The following MDGA2 variants were observed in gnomAD, a reference collection of about 807,000 sequenced individuals.
The protein encoded by MDGA2 is MAM domain containing glycosylphosphatidylinositol anchor 2, also known as MAM domain-containing glycosylphosphatidylinositol anchor protein 2.
In MDGA2, 40 loss-of-function variants were observed where a neutral mutation model predicts 117.8. That is an observed-to-expected ratio of 0.34 (90% CI 0.26 to 0.44). The LOEUF (loss-of-function observed/expected upper bound fraction) is 0.44. Among genes scored for constraint, MDGA2 ranks in the 20% least tolerant of loss-of-function variants. The probability of loss-of-function intolerance (pLI) is 1.00; values close to 1 mark genes in which losing one functional copy is unlikely to be tolerated. For synonymous variants in MDGA2, 452 were observed against 439.0 expected, an observed-to-expected ratio of 1.03 and a Z score of -0.37; for missense variants, 1,123 against 1,250.6, an observed-to-expected ratio of 0.90 and a Z score of 1.54.
At chr14:47,023,197 G>GCAAA (rs1435992503) in intron 8 of MDGA2, among the ~76,000 whole-genome samples, 114 of 69,584 alleles carry the variant, frequency 1.6e-3, no homozygotes, top group Middle Eastern at 0.01. Flanking sequence ...ATTCCCACTC[G>GCAAA]TAAAAAAAAA....
chr14:47,256,728 A>G (rs931249270), intron 2 of MDGA2, among the ~76,000 whole-genome samples: 2 of 152,132 alleles, frequency 1.3e-5, no homozygotes, highest in African/African-American at 4.8e-5. Context: ...AGGAAATCGA[A>G]TAACACTTTT....
intron 1 of MDGA2, among the ~76,000 whole-genome samples, chr14:47,560,460 G>C (rs1368143423): frequency 1.3e-5 from 2 of 152,102 alleles, no homozygotes; most frequent in Non-Finnish European, 2.9e-5. Flanking sequence ...TATAATTAGT[G>C]ATATTGAGCA....
At chr14:47,096,008 G>T (rs1337826973) in intron 6 of MDGA2, among the ~76,000 whole-genome samples, 1 of 151,882 alleles carries the variant, frequency 6.6e-6, no homozygotes, top group African/African-American at 2.4e-5. Context: ...AGAAGCATAT[G>T]GTCTCTTTGT....
chr14:46,949,302 G>C (rs1234628218), intron 9 of MDGA2, among the ~76,000 whole-genome samples: 2 of 151,990 alleles, frequency 1.3e-5, no homozygotes, highest in East Asian at 1.9e-4. Flanking sequence ...ATGTGGACTA[G>C]AGGAGTTCAC....
intron 9 of MDGA2, among the ~76,000 whole-genome samples, chr14:46,937,423 T>C (rs1293195270): frequency 6.6e-6 from 1 of 151,770 alleles, no homozygotes; most frequent in African/African-American, 2.4e-5. Flanking sequence ...CAATTACTAA[T>C]CAAAGTACCA....
intron 1 of MDGA2, among the ~76,000 whole-genome samples, chr14:47,537,077 G>C (rs780029093): frequency 6.6e-5 from 10 of 152,086 alleles, no homozygotes; most frequent in South Asian, 2.1e-4. Context: ...AAGAAAAAAA[G>C]ACTTTGAACA....
intron 15 of MDGA2, among the ~76,000 whole-genome samples, chr14:46,853,168 A>T (rs998662257): frequency 6.6e-6 from 1 of 151,954 alleles, no homozygotes; most frequent in African/African-American, 2.4e-5. Context: ...CCAATGACTT[A>T]GATGAAAAAT....
intron 9 of MDGA2, 59 bp downstream of exon 9, chr14:46,957,315 C>T (rs569896708): frequency 2.6e-6 from 4 of 1,520,922 alleles, no homozygotes; most frequent in Admixed American, 1.9e-5. Context: ...TGACATAGGT[C>T]TAAGATCTCT....
At chr14:47,375,636 G>A (rs372049620) in intron 1 of MDGA2, among the ~76,000 whole-genome samples, 4 of 151,746 alleles carry the variant, frequency 2.6e-5, no homozygotes, top group South Asian at 4.2e-4. Context: ...CATCTTACTC[G>A]TCCAATCCTC....
intron 1 of MDGA2, among the ~76,000 whole-genome samples, chr14:47,607,889 A>G (rs1896769952): frequency 6.6e-6 from 1 of 152,138 alleles, no homozygotes. Context: ...CCCCACAGGA[A>G]AAGTGTTCAT....
intron 1 of MDGA2, among the ~76,000 whole-genome samples, chr14:47,408,842 G>A (rs911242048): frequency 3.3e-5 from 5 of 152,200 alleles, no homozygotes; most frequent in Admixed American, 6.5e-5. Context: ...GGATTAAATA[G>A]TATGGCCAGA....
intron 1 of MDGA2, among the ~76,000 whole-genome samples, chr14:47,474,212 T>C (rs1386341026): frequency 2.0e-5 from 3 of 152,036 alleles, no homozygotes; most frequent in Non-Finnish European, 4.4e-5. Flanking sequence ...AGCCAAATCA[T>C]AAATAAACTC....
chr14:46,970,702 T>A (rs954321187), intron 8 of MDGA2, among the ~76,000 whole-genome samples: 4 of 152,024 alleles, frequency 2.6e-5, no homozygotes, highest in Non-Finnish European at 5.9e-5. Context: ...AATGGGACTA[T>A]ATTAAATTTA....
intron 1 of MDGA2, among the ~76,000 whole-genome samples, chr14:47,415,612 C>A (rs1319954901): frequency 6.6e-6 from 1 of 152,150 alleles, no homozygotes; most frequent in Non-Finnish European, 1.5e-5. Context: ...ATATTACTAT[C>A]TGCAGTCCTG....
At chr14:47,091,776 A>G (rs966658488) in intron 6 of MDGA2, among the ~76,000 whole-genome samples, 5 of 152,048 alleles carry the variant, frequency 3.3e-5, no homozygotes, top group Admixed American at 6.6e-5. Context: ...GCCCATAAAA[A>G]TCTCCCATGT....
chr14:47,366,112 A>G (rs778400595), intron 1 of MDGA2, among the ~76,000 whole-genome samples: 29 of 152,270 alleles, frequency 1.9e-4, no homozygotes, highest in Admixed American at 3.9e-4. Context: ...TCTGACTACA[A>G]GGTCTATTCT....
chr14:47,111,061 T>A (rs2139054836), intron 5 of MDGA2, among the ~76,000 whole-genome samples: 1 of 152,324 alleles, frequency 6.6e-6, no homozygotes, highest in Non-Finnish European at 1.5e-5. Flanking sequence ...GTGGAGTTTG[T>A]AATTAGGAGA....
intron 10 of MDGA2, among the ~76,000 whole-genome samples, chr14:46,904,997 A>C (rs1334861937): frequency 6.6e-6 from 1 of 152,228 alleles, no homozygotes; most frequent in African/African-American, 2.4e-5. Flanking sequence ...AGGATATGGA[A>C]GTCACATTCT....
chr14:47,062,648 A>G (rs1316272207), intron 6 of MDGA2, among the ~76,000 whole-genome samples: 1 of 151,956 alleles, frequency 6.6e-6, no homozygotes, highest in Non-Finnish European at 1.5e-5. Flanking sequence ...ATATGTAATG[A>G]TATTGTCAAA....
Sources: allele counts gnomAD v4.1 joint callset (sites outside exome capture counted in the v4.1 genomes callset), GRCh38; gene constraint gnomAD v4.1.1; transcripts MANE v1.5; gene names NCBI Gene and HGNC (gene_info 2026-07-23, HGNC 2026-07-21).